The following PBRM1 variants were observed in gnomAD, a reference collection of about 807,000 sequenced individuals.
PBRM1 encodes the protein protein polybromo-1.
Under a neutral mutation model 194.5 loss-of-function variants are expected in PBRM1, and 27 were observed. The observed-to-expected ratio is 0.14, with a 90% CI of 0.10 to 0.19. PBRM1 has a LOEUF of 0.19. Among genes scored for constraint, PBRM1 ranks in the 10% least tolerant of loss-of-function variants. PBRM1 has a pLI of 1.00. For synonymous variants in PBRM1, 655 were observed against 693.2 expected (o/e 0.94, Z 0.87); for missense variants, 1,466 against 2,077.2 (o/e 0.71, Z 5.72).
At chr3:52,618,990 C>G (rs1385197311) in intron 13 of PBRM1, among the ~76,000 whole-genome samples, 1 of 152,180 alleles carries the variant, frequency 6.6e-6, no homozygotes, top group Non-Finnish European at 1.5e-5. Context: ...CTCAGGTGAT[C>G]CGCCTGCCTC....
intron 29 of PBRM1, among the ~76,000 whole-genome samples, chr3:52,550,197 AAC>A (rs1156747332): frequency 6.6e-6 from 1 of 151,920 alleles, no homozygotes; most frequent in Non-Finnish European, 1.5e-5. Flanking sequence ...CAGCCTAGGC[AAC>A]AGAGTGAGAC....
intron 15 of PBRM1, among the ~76,000 whole-genome samples, chr3:52,613,042 G>A (rs2094729845): frequency 6.6e-6 from 1 of 151,990 alleles, no homozygotes. Flanking sequence ...AGTATTAGAT[G>A]AAACCAAGAA....
At chr3:52,573,186 G>C (rs1273216873) in intron 22 of PBRM1, among the ~76,000 whole-genome samples, 1 of 152,140 alleles carries the variant, frequency 6.6e-6, no homozygotes, top group African/African-American at 2.4e-5. Context: ...TCACCTTTCT[G>C]ACAATATCAG....
chr3:52,587,170 T>A (rs1364086729), intron 19 of PBRM1, among the ~76,000 whole-genome samples, 183 bp downstream of exon 21: 1 of 152,216 alleles, frequency 6.6e-6, no homozygotes, highest in Non-Finnish European at 1.5e-5. Flanking sequence ...AAGCAGCAAG[T>A]GGTCTTTCAC....
intron 15 of PBRM1, among the ~76,000 whole-genome samples, chr3:52,613,895 T>C (rs969410926): frequency 2.0e-5 from 3 of 152,154 alleles, no homozygotes; most frequent in African/African-American, 4.8e-5. Context: ...AAAGCCCCTT[T>C]TTCCTGAACT....
chr3:52,603,830 T>C (rs1404280741), intron 16 of PBRM1, 98 bp from the exon 19 acceptor site: 4 of 1,045,304 alleles, frequency 3.8e-6, no homozygotes, highest in African/African-American at 1.6e-5. Flanking sequence ...TTAATTGATA[T>C]AGTGGTATTT....
At chr3:52,575,326 T>C (rs930005652) in intron 22 of PBRM1, among the ~76,000 whole-genome samples, 32 of 152,028 alleles carry the variant, frequency 2.1e-4, no homozygotes, top group Non-Finnish European at 4.6e-4. Flanking sequence ...ATGGGGAGAA[T>C]CTGATTTCCA....
intron 6 of PBRM1, among the ~76,000 whole-genome samples, chr3:52,649,526 T>C (rs999283117): frequency 6.6e-6 from 1 of 152,216 alleles, no homozygotes; most frequent in Admixed American, 6.5e-5. Context: ...TGTGCCATGA[T>C]GTTCCTGAGT....
intron 24 of PBRM1, among the ~76,000 whole-genome samples, 199 bp downstream of exon 26, chr3:52,563,084 T>C (rs2084083965): frequency 6.6e-6 from 1 of 152,144 alleles, no homozygotes; most frequent in Admixed American, 6.5e-5. Context: ...TAATATAAAT[T>C]ATTAATGGGA....
intron 22 of PBRM1, among the ~76,000 whole-genome samples, chr3:52,568,737 T>C (rs529662885): frequency 6.6e-6 from 1 of 152,340 alleles, no homozygotes; most frequent in East Asian, 1.9e-4. Context: ...GATATGCCAC[T>C]TTTACCATAT....
chr3:52,658,411 AC>A, intron 4 of PBRM1, 96 bp from the exon 6 acceptor site: 3 of 612,036 alleles, frequency 4.9e-6, no homozygotes, highest in Non-Finnish European at 8.4e-6. Flanking sequence ...CAAAACAGCA[AC>A]TTTTTTTTTT....
intron 11 of PBRM1, among the ~76,000 whole-genome samples, chr3:52,634,122 G>C (rs150317942): frequency 2.6e-5 from 4 of 152,020 alleles, no homozygotes; most frequent in Non-Finnish European, 5.9e-5. Context: ...AAAGATTTTC[G>C]TACTTTGCTC....
intron 11 of PBRM1, 79 bp downstream of exon 12, chr3:52,634,522 AT>A (rs2095734799): frequency 2.1e-6 from 2 of 945,756 alleles, no homozygotes; most frequent in South Asian, 3.0e-5. Context: ...ATCCTTATCC[AT>A]TTTAGGAAGA....
At chr3:52,555,932 A>C (rs1389353546) in intron 26 of PBRM1, among the ~76,000 whole-genome samples, 1 of 152,350 alleles carries the variant, frequency 6.6e-6, no homozygotes, top group South Asian at 2.1e-4. Context: ...CAAGAAAAAC[A>C]ACTTGACTTT....
rs191685069 is a variant in PBRM1, at chr3:52,617,327, C to T, written c.1753G>A (p.Gly585Arg). The change falls in exon 14 of 30, where the codon GGA becomes AGA. Residue 585 changes from glycine to arginine, a missense_variant. By Grantham distance (125) the Gly-to-Arg change is moderately radical (BLOSUM62 -2). Coordinates refer to ENST00000296302, the Ensembl canonical transcript of PBRM1. ...ATCAGCTTCATGTCTTCTATCATTC[C>T]CTCTTCACCAGCATATTTGTCATTG... 1.5e-5 allele frequency: 25 copies of T among 1,613,942 alleles called. 1 individual carries two copies. Among genetic ancestry groups the T allele is most frequent in the Admixed American group, 3.3e-5 (2 of 60,008 alleles).
intron 17 of PBRM1, among the ~76,000 whole-genome samples, chr3:52,601,955 G>A (rs532828165): frequency 3.9e-5 from 6 of 152,260 alleles, no homozygotes; most frequent in Admixed American, 1.3e-4. Context: ...GCCAGTTGTC[G>A]TGGTAGTGAC....
At chr3:52,684,759 ATTTGAGGTAT>A (rs2097283149) in intron 1 of PBRM1, 1 of 152,218 alleles carries the variant, frequency 6.6e-6, no homozygotes, top group African/African-American at 2.4e-5. Flanking sequence ...GGATATTAAC[ATTTGAGGTAT>A]TTTGTACATT....
chr3:52,652,815 T>G (rs975582829), intron 5 of PBRM1, among the ~76,000 whole-genome samples: 2 of 151,972 alleles, frequency 1.3e-5, no homozygotes, highest in Admixed American at 1.3e-4. Flanking sequence ...CTGGCCAACA[T>G]AGCGAAACCC....
At chr3:52,626,070 A>G (rs145543594) in intron 13 of PBRM1, among the ~76,000 whole-genome samples, 110 of 152,304 alleles carry the variant, frequency 7.2e-4, no homozygotes, top group Non-Finnish European at 1.2e-3. Context: ...CTTTTGCCTG[A>G]TAAGTTTTTA....
Sources: allele counts gnomAD v4.1 joint callset (sites outside exome capture counted in the v4.1 genomes callset), GRCh38; gene constraint gnomAD v4.1.1; transcripts MANE v1.5; gene names NCBI Gene and HGNC (gene_info 2026-07-23, HGNC 2026-07-21).